The following IQGAP2 variants were observed in gnomAD, a reference collection of about 807,000 sequenced individuals.
The protein encoded by IQGAP2 is ras GTPase-activating-like protein IQGAP2.
Under a neutral mutation model 201.3 loss-of-function variants are expected in IQGAP2, and 173 were observed. The ratio of observed to expected loss-of-function variants is 0.86; its 90% confidence interval spans 0.76 to 0.98. The LOEUF is 0.98. Among genes scored for constraint, IQGAP2 ranks in the 50% least tolerant of loss-of-function variants. The pLI is 0.00. For synonymous variants in IQGAP2, 675 were observed against 673.9 expected (o/e 1.00, Z -0.03); for missense variants, 1,687 against 1,864.8 (o/e 0.90, Z 1.76).
chr5:76,693,618 TC>T (rs2150538645), intron 31 of IQGAP2, among the ~76,000 whole-genome samples, 176 bp downstream of exon 31: 1 of 152,316 alleles, frequency 6.6e-6, no homozygotes, highest in African/African-American at 2.4e-5. Flanking sequence ...GTATGAAGTA[TC>T]AATGGGAATG....
intron 1 of IQGAP2, among the ~76,000 whole-genome samples, chr5:76,424,903 G>C (rs1751913490): frequency 6.6e-6 from 1 of 152,230 alleles, no homozygotes; most frequent in Non-Finnish European, 1.5e-5. Context: ...CCCAGTGAGA[G>C]AAGGAGGAAG....
intron 1 of IQGAP2, among the ~76,000 whole-genome samples, chr5:76,429,894 C>CACACACACA (rs1401698379): frequency 3.3e-5 from 5 of 150,214 alleles, no homozygotes; most frequent in Admixed American, 1.3e-4. Context: ...CACACACACA[C>CACACACACA]GACTATTTCA....
intron 1 of IQGAP2, among the ~76,000 whole-genome samples, chr5:76,407,536 A>G (rs1750863945): frequency 6.6e-6 from 1 of 152,226 alleles, no homozygotes; most frequent in Admixed American, 6.5e-5. Flanking sequence ...ACGCAGCCTT[A>G]TCTTGAGATA....
At chr5:76,558,971 G>A (rs1366452783) in intron 2 of IQGAP2, among the ~76,000 whole-genome samples, 1 of 152,084 alleles carries the variant, frequency 6.6e-6, no homozygotes, top group Non-Finnish European at 1.5e-5. Context: ...CGCGATCTCG[G>A]CTCACTGCAA....
intron 30 of IQGAP2, among the ~76,000 whole-genome samples, chr5:76,687,640 TC>T (rs1745908156): frequency 6.6e-6 from 1 of 152,154 alleles, no homozygotes; most frequent in Non-Finnish European, 1.5e-5. Context: ...GAGCTCCACC[TC>T]CTGTCAGATC....
At chr5:76,609,166 G>A (rs1580588588) in intron 12 of IQGAP2, 1 of 1,535,942 alleles carries the variant, frequency 6.5e-7, no homozygotes, top group Non-Finnish European at 8.7e-7. Flanking sequence ...CAGCTGAAAT[G>A]CACTCACTTC....
At chr5:76,554,683 T>C (rs147321228) in intron 2 of IQGAP2, among the ~76,000 whole-genome samples, 4 of 152,268 alleles carry the variant, frequency 2.6e-5, no homozygotes, top group African/African-American at 9.6e-5. Context: ...TGTGAAGAAA[T>C]TGAAATCCTC....
At chr5:76,620,157 G>A (rs1036063200) in intron 13 of IQGAP2, among the ~76,000 whole-genome samples, 26 of 152,256 alleles carry the variant, frequency 1.7e-4, no homozygotes, top group Non-Finnish European at 3.1e-4. Context: ...AGTAGGAAAC[G>A]AATATAGCCG....
At chr5:76,471,295 A>G (rs1442010784) in intron 2 of IQGAP2, among the ~76,000 whole-genome samples, 1 of 151,260 alleles carries the variant, frequency 6.6e-6, no homozygotes, top group Non-Finnish European at 1.5e-5. Flanking sequence ...TTTTTTAAGG[A>G]AAGAGAAAAT....
At chr5:76,597,207 T>C (rs2150317578) in intron 9 of IQGAP2, 1 of 532,738 alleles carries the variant, frequency 1.9e-6, no homozygotes, top group East Asian at 3.2e-5. Context: ...AATGATCTCA[T>C]ACCCTAAGCT....
chr5:76,444,932 G>T (rs1406704580), intron 1 of IQGAP2, among the ~76,000 whole-genome samples: 1 of 152,150 alleles, frequency 6.6e-6, no homozygotes, highest in Non-Finnish European at 1.5e-5. Context: ...GGGTAGTTTA[G>T]CAGTAGTTCT....
At position 76,698,065 on chromosome 5, in the gene IQGAP2, A is replaced by G; in HGVS notation, c.4285A>G (p.Asn1429Asp). 1 of 1,613,142 alleles carries G rather than the reference A, an allele frequency of 6.2e-7. No homozygotes were observed. Among genetic ancestry groups the G allele is most frequent in the Non-Finnish European group, 8.5e-7 (1 of 1,179,148 alleles). The change falls in exon 33 of 36, where the codon AAC becomes GAC. Residue 1429 changes from asparagine to aspartate, a missense_variant. Coordinates refer to ENST00000274364, the MANE Select transcript of IQGAP2 (RefSeq NM_006633.5). ...ACTTCAGCAGACCCTGAATGCACTT[A>G]ACAAGAAGGCAGCATTTTATGAAGA... The part of the protein sequence containing the change: ...AKLQQTLNAL[N>D]KKAAFYEEQI...
intron 1 of IQGAP2, among the ~76,000 whole-genome samples, chr5:76,444,437 T>G (rs1391529437): frequency 1.3e-5 from 2 of 152,182 alleles, no homozygotes; most frequent in Non-Finnish European, 2.9e-5. Context: ...TAGCTGGGAT[T>G]ACAGGTGCCC....
At chr5:76,582,722 C>T (rs1433949824) in intron 5 of IQGAP2, among the ~76,000 whole-genome samples, 2 of 151,972 alleles carry the variant, frequency 1.3e-5, no homozygotes, top group African/African-American at 4.8e-5. Context: ...AAAACTAATG[C>T]CATGTGATAT....
At chr5:76,532,548 T>C (rs996896267) in intron 2 of IQGAP2, among the ~76,000 whole-genome samples, 1 of 152,086 alleles carries the variant, frequency 6.6e-6, no homozygotes, top group Non-Finnish European at 1.5e-5. Context: ...CAGCCTCCTA[T>C]CCTGTAGGCG....
chr5:76,601,776 C>G (rs1351061011), intron 11 of IQGAP2, among the ~76,000 whole-genome samples: 12 of 152,120 alleles, frequency 7.9e-5, no homozygotes. Flanking sequence ...AAGGAAAAAC[C>G]AGAGATTTCT....
At chr5:76,700,441 G>A (rs10214134) in intron 33 of IQGAP2, among the ~76,000 whole-genome samples, 49,380 of 151,802 alleles carry the variant, frequency 0.33, 8,151 homozygotes, top group Non-Finnish European at 0.35. Context: ...GGCAGAGGTT[G>A]CAGTGAGCCA....
At position 76,673,956 on chromosome 5, in the gene IQGAP2, G is replaced by T; in HGVS notation, c.3214G>T (p.Gly1072Ter). 1 of 1,563,682 alleles carries T rather than the reference G, an allele frequency of 6.4e-7. No homozygotes were observed. The highest frequency in any genetic ancestry group is 8.8e-7 in the Non-Finnish European group (1 of 1,134,720). ...TGTCATCTGTTTTATATGTAGTTATGGATTGAGGTATATAGCCAAAGTACT... is the reference window on the plus strand; with the variant it reads ...TGTCATCTGTTTTATATGTAGTTATTGATTGAGGTATATAGCCAAAGTACT... ...IISSLDLLPY[G>*]LRYIAKVLKN... is the part of the protein sequence containing the mutation. Residue 1072 changes from glycine (G) to a stop codon, truncating the protein, a stop_gained, in exon 26 of 36, where the codon GGA becomes TGA. Transcript: ENST00000274364. LOFTEE classifies it high-confidence loss of function.
intron 21 of IQGAP2, among the ~76,000 whole-genome samples, chr5:76,661,878 C>A (rs766455482): frequency 6.6e-5 from 10 of 152,180 alleles, no homozygotes; most frequent in Non-Finnish European, 1.3e-4. Flanking sequence ...ATACTACCTG[C>A]ATGCAGATAT....
Sources: gnomAD v4.1 joint callset for allele counts (sites outside exome capture counted in the v4.1 genomes callset) on GRCh38, gnomAD v4.1.1 for gene constraint, MANE v1.5 for transcripts, NCBI Gene and HGNC (gene_info 2026-07-23, HGNC 2026-07-21) for gene names.